Variants in PLOD2 observed in about 807,000 individuals in gnomAD.
The protein encoded by PLOD2 is procollagen-lysine,2-oxoglutarate 5-dioxygenase 2, also known as lysine hydroxylase 2.
PLOD2 carries 65 observed loss-of-function variants against 101.0 expected under a neutral mutation model. The ratio of observed to expected loss-of-function variants is 0.64; its 90% confidence interval spans 0.53 to 0.79. The LOEUF is 0.79. Ranked by LOEUF, PLOD2 falls within the 30% of genes least tolerant of loss-of-function variation. The pLI is 0.00. For synonymous variants in PLOD2, 314 were observed against 302.9 expected (o/e 1.04, Z -0.38); for missense variants, 909 against 914.6 (o/e 0.99, Z 0.08).
At chr3:146,113,571 T>C (rs1291470327) in intron 3 of PLOD2, among the ~76,000 whole-genome samples, 1 of 152,202 alleles carries the variant, frequency 6.6e-6, no homozygotes, top group Non-Finnish European at 1.5e-5. Context: ...CTGCAATCTC[T>C]GAACATAAAT....
At position 146,161,076 on chromosome 3, in the gene PLOD2, C is replaced by A; in HGVS notation, c.-87G>T. On this transcript the variant is annotated 5_prime_UTR_variant, in exon 1 of 20. Transcript: ENST00000282903. ...GCGAGAACGCAGAGACCCGGGTCCG[C>A]CCTGAGCCGCCGATTGCGGGCGGGA... 1.2e-6 allele frequency: 1 copy of A among 833,976 alleles called. No individual in the cohort carries two copies. The highest frequency in any genetic ancestry group is 1.7e-6 in the Non-Finnish European group (1 of 575,678). The allele number at this position is 833,976 out of a possible 1,614,324, so 51.7% of individuals were successfully genotyped here.
At chr3:146,084,777 T>C (rs187988173) in intron 11 of PLOD2, among the ~76,000 whole-genome samples, 168 of 152,238 alleles carry the variant, frequency 1.1e-3, no homozygotes, top group Non-Finnish European at 2.0e-3. Context: ...CTCTGAAATT[T>C]CCTTCTGATA....
At position 146,106,596 on chromosome 3, in the gene PLOD2, T is replaced by C; in HGVS notation, c.551A>G (p.Asn184Ser). The C allele has an allele frequency of 6.3e-7, 1 of 1,596,712 alleles. No homozygotes were observed. The highest frequency in any genetic ancestry group is 8.6e-7 in the Non-Finnish European group (1 of 1,164,248). The change falls in exon 5 of 20, where the codon AAT (asparagine) becomes AGT (serine). Residue 184 changes from asparagine to serine, a missense_variant. Coordinates refer to ENST00000282903, the MANE Select transcript of PLOD2 (RefSeq NM_182943.3). Reference sequence around the variant, plus strand: ...CTGATCATCATCATTATCCTGGAGATTCCATTGTTGAACTATACGGTTGAC... The same window carrying C: ...CTGATCATCATCATTATCCTGGAGACTCCATTGTTGAACTATACGGTTGAC... The part of the protein sequence containing the change: ...PYVNRIVQQW[N>S]LQDNDDDQLF...
chr3:146,109,638 A>G (rs915197221), intron 4 of PLOD2, among the ~76,000 whole-genome samples: 6 of 152,226 alleles, frequency 3.9e-5, no homozygotes, highest in African/African-American at 1.4e-4. Context: ...TGTTTACATT[A>G]ATCTCAAACT....
At chr3:146,096,698 G>C (rs1283396068) in intron 7 of PLOD2, among the ~76,000 whole-genome samples, 1 of 143,534 alleles carries the variant, frequency 7.0e-6, no homozygotes, top group African/African-American at 2.6e-5. Context: ...CAACCACCCT[G>C]TCTGGGAAGT....
At chr3:146,130,038 C>T (rs888976411) in intron 1 of PLOD2, among the ~76,000 whole-genome samples, 1 of 152,116 alleles carries the variant, frequency 6.6e-6, no homozygotes, top group African/African-American at 2.4e-5. Flanking sequence ...AGAGAAACTC[C>T]ATTACCACAA....
At chr3:146,110,229 T>C in intron 4 of PLOD2, 56 bp downstream of exon 4, 2 of 1,449,428 alleles carry the variant, frequency 1.4e-6, no homozygotes, top group Non-Finnish European at 1.9e-6. Flanking sequence ...ACAAAAATGG[T>C]TGTTTCATTA....
rs945436245 is a variant in PLOD2, at chr3:146,161,010, G to A, written c.-21C>T. On this transcript the variant is annotated 5_prime_UTR_variant, in exon 1 of 20. Coordinates refer to ENST00000282903, the MANE Select transcript of PLOD2 (RefSeq NM_182943.3). ...CCCATATTCGGCCCTCGAGGGCCGC[G>A]CGGGCTCAGGCGCCCACGGCCCCGC... The A allele has an allele frequency of 2.6e-5, 38 of 1,462,740 alleles. No individual in the cohort carries two copies. The highest frequency in any genetic ancestry group is 3.1e-5 in the Non-Finnish European group (33 of 1,066,018). The allele number at this position is 1,462,740 out of a possible 1,614,324, so 90.6% of individuals were successfully genotyped here. A position where few individuals can be genotyped will look rare whatever the true frequency, so the allele number is the denominator to read the frequency against.
At chr3:146,086,383 T>C (rs1485791311) in intron 10 of PLOD2, 1 of 156,646 alleles carries the variant, frequency 6.4e-6, no homozygotes, top group Non-Finnish European at 1.4e-5. Context: ...ATTATCTAGC[T>C]CAGTGACTAA....
At position 146,106,651 on chromosome 3, in the gene PLOD2, C is replaced by T. The variant is rs561968064; in HGVS notation, c.503-7G>A. ...GGAGCATAGCCAATAAATCCTGCAA[C>T]ACAGCAGAGAGAAAGTAGATAATTT... On this transcript the variant is annotated splice_polypyrimidine_tract_variant and splice_region_variant and intron_variant, in intron 4 of 19. Transcript: ENST00000282903. The T allele has an allele frequency of 1.5e-6, 2 of 1,330,026 alleles. No homozygotes were observed. The highest frequency in any genetic ancestry group is 1.2e-5 in the South Asian group (1 of 85,220). The allele number at this position is 1,330,026 out of a possible 1,614,324, so 82.4% of individuals were successfully genotyped here.
At chr3:146,104,659 G>T (rs1050544232) in intron 5 of PLOD2, among the ~76,000 whole-genome samples, 1 of 152,062 alleles carries the variant, frequency 6.6e-6, no homozygotes, top group African/African-American at 2.4e-5. Flanking sequence ...TGGTAAATAT[G>T]ATAAAAGTAT....
intron 1 of PLOD2, among the ~76,000 whole-genome samples, chr3:146,132,089 A>T (rs1244213513): frequency 6.6e-6 from 1 of 152,180 alleles, no homozygotes; most frequent in African/African-American, 2.4e-5. Flanking sequence ...TTTCACATGG[A>T]TGCCTGGGCT....
intron 7 of PLOD2, among the ~76,000 whole-genome samples, chr3:146,098,599 A>C (rs1345049457): frequency 6.6e-6 from 1 of 152,160 alleles, no homozygotes; most frequent in Admixed American, 6.5e-5. Flanking sequence ...ATGATTTTTA[A>C]AATTACTTAA....
In PLOD2 at chr3:146,097,017, G is replaced by A. The variant is rs1045574171; in HGVS notation, c.778-5116C>T. On this transcript the variant is annotated intron_variant, in intron 7 of 19. Coordinates refer to ENST00000282903, the MANE Select transcript of PLOD2 (RefSeq NM_182943.3). ...AGGGAGGTGGGGGGGTCAGCCCCCC[G>A]CCCGGCCAGCCGCCCCGTCCGGGAG... Among the ~76,000 whole-genome samples the A allele has an allele frequency of 7.5e-4, 108 of 144,788 alleles. 1 individual carries two copies. The highest frequency in any genetic ancestry group is 2.7e-3 in the African/African-American group (106 of 38,914). The allele number at this position is 144,788 out of a possible 152,430, so 95.0% of individuals were successfully genotyped here. A position where few individuals can be genotyped will look rare whatever the true frequency, so the allele number is the denominator to read the frequency against.
rs867445059 is a variant in PLOD2 at position 146,081,777 on chromosome 3, C to T, written c.1319G>A (p.Arg440Gln). 1.2e-5 allele frequency: 19 copies of T among 1,609,734 alleles called. No individual in the cohort carries two copies. Among genetic ancestry groups the T allele is most frequent in the Non-Finnish European group, 1.5e-5 (18 of 1,176,244 alleles). ...GALSPDGYYA[R>Q]SEDYVDIVQG... Reference sequence around the variant, plus strand: ...AACAATATCCACATAATCTTCAGATCGTGCATAGTATCCATCAGGACTCAA... The same window carrying T: ...AACAATATCCACATAATCTTCAGATTGTGCATAGTATCCATCAGGACTCAA... Residue 440 changes from arginine (R) to glutamine (Q), a missense_variant, in exon 12 of 20, where the codon CGA (arginine) becomes CAA (glutamine). Coordinates refer to ENST00000282903, the MANE Select transcript of PLOD2 (RefSeq NM_182943.3).
chr3:146,069,656 T>A lies in PLOD2; in HGVS notation c.*1061A>T, dbSNP rs1029483042. ...TTTTTATAAGCGGGATAGAGGGAAG[T>A]TAACATAGACACTCAGAAGAATAAA... On this transcript the variant is annotated 3_prime_UTR_variant, in exon 20 of 20. Coordinates refer to ENST00000282903, the MANE Select transcript of PLOD2 (RefSeq NM_182943.3). 4.6e-5 allele frequency: 7 copies of A among 151,506 alleles called. No homozygotes were observed. Among genetic ancestry groups the A allele is most frequent in the African/African-American group, 1.5e-4 (6 of 41,156 alleles). The allele number at this position is 151,506 out of a possible 1,614,324, so 9.4% of individuals were successfully genotyped here.
chr3:146,125,479 G>T (rs1315370640), intron 1 of PLOD2, among the ~76,000 whole-genome samples: 1 of 152,142 alleles, frequency 6.6e-6, no homozygotes, highest in Non-Finnish European at 1.5e-5. Flanking sequence ...AGGCACGGTA[G>T]GTCATGCCTG....
intron 1 of PLOD2, among the ~76,000 whole-genome samples, chr3:146,150,361 C>T (rs10935606): frequency 0.31 from 47,619 of 151,902 alleles, 7,849 homozygotes; most frequent in South Asian, 0.42. Flanking sequence ...GTAGCACATA[C>T]CATAAAACTT....
chr3:146,143,221 T>A (rs2031613454), intron 1 of PLOD2, among the ~76,000 whole-genome samples: 1 of 151,992 alleles, frequency 6.6e-6, no homozygotes, highest in Non-Finnish European at 1.5e-5. Context: ...GACTATAAGT[T>A]TTAATAGTAA....
Sources: gnomAD v4.1 joint callset for allele counts (sites outside exome capture counted in the v4.1 genomes callset) on GRCh38, gnomAD v4.1.1 for gene constraint, MANE v1.5 for transcripts, NCBI Gene and HGNC (gene_info 2026-07-23, HGNC 2026-07-21) for gene names.